CDK6: variants seen among roughly 807,000 people sequenced by gnomAD.
CDK6 encodes cyclin dependent kinase 6, also known as cyclin-dependent kinase 6.
CDK6 carries 6 observed loss-of-function variants against 37.1 expected under a neutral mutation model. That is an observed-to-expected ratio of 0.16 (90% CI 0.09 to 0.32). The LOEUF is 0.32. Ranked by LOEUF, CDK6 falls within the 10% of genes least tolerant of loss-of-function variation. The pLI, the probability that CDK6 is intolerant of heterozygous loss-of-function variation, is 1.00. For missense variants in CDK6, 224 were observed against 418.9 expected (o/e 0.53, Z 4.06); for synonymous variants, 160 against 161.3 (o/e 0.99, Z 0.06).
At chr7:92,705,734 T>C (rs938618995) in intron 4 of CDK6, among the ~76,000 whole-genome samples, 17 of 152,346 alleles carry the variant, frequency 1.1e-4, no homozygotes, top group Admixed American at 5.2e-4. Flanking sequence ...GTACTGTGGC[T>C]TAACTGAATC....
At chr7:92,711,915 CAAAA>C (rs1222057838) in intron 4 of CDK6, among the ~76,000 whole-genome samples, 1 of 150,186 alleles carries the variant, frequency 6.7e-6, no homozygotes, top group African/African-American at 2.4e-5. Flanking sequence ...AGAATGCAGA[CAAAA>C]AAACTGAAGA....
At chr7:92,811,860 A>G (rs1003431355) in intron 2 of CDK6, among the ~76,000 whole-genome samples, 11 of 152,186 alleles carry the variant, frequency 7.2e-5, no homozygotes, top group African/African-American at 2.7e-4. Flanking sequence ...CAAGTATCAA[A>G]CACTTAAAAG....
intron 4 of CDK6, chr7:92,725,376 T>C (rs1798487093): frequency 3.2e-6 from 3 of 948,580 alleles, no homozygotes; most frequent in Non-Finnish European, 3.8e-6. Context: ...AACTGATTCC[T>C]GTCCAGTGGC....
At chr7:92,729,207 TCA>T (rs1030409541) in intron 3 of CDK6, among the ~76,000 whole-genome samples, 1 of 152,190 alleles carries the variant, frequency 6.6e-6, no homozygotes, top group African/African-American at 2.4e-5. Flanking sequence ...CTGTTCTATC[TCA>T]GTTTATAGTA....
In CDK6 at chr7:92,619,306, T is replaced by C. The variant is rs187786526; in HGVS notation, c.699-1099A>G. On this transcript the variant is annotated intron_variant, in intron 6 of 7. Coordinates refer to ENST00000424848, the MANE Select transcript of CDK6 (RefSeq NM_001145306.2). Reference sequence around the variant, plus strand: ...TGGGTCAATGGACTTACATAACTTATACATTGTATAGATATTATTTATAGT... The same window carrying C: ...TGGGTCAATGGACTTACATAACTTACACATTGTATAGATATTATTTATAGT... Among the ~76,000 whole-genome samples, 24 of 152,298 alleles carry C rather than the reference T, an allele frequency of 1.6e-4. No homozygotes were observed. The East Asian group carries it at 3.9e-3, about 24-fold the overall frequency.
chr7:92,739,092 C>G (rs1798858038), intron 3 of CDK6, among the ~76,000 whole-genome samples: 1 of 152,202 alleles, frequency 6.6e-6, no homozygotes, highest in South Asian at 2.1e-4. Context: ...ACTGCCTTCT[C>G]TGGGTCTCTA....
intron 2 of CDK6, among the ~76,000 whole-genome samples, chr7:92,786,312 G>A (rs1800130987): frequency 6.6e-6 from 1 of 152,158 alleles, no homozygotes; most frequent in South Asian, 2.1e-4. Flanking sequence ...TAATAGGTGA[G>A]TAAATTCATC....
intron 2 of CDK6, among the ~76,000 whole-genome samples, chr7:92,831,938 T>C (rs1327534689): frequency 1.3e-5 from 2 of 152,238 alleles, no homozygotes; most frequent in Non-Finnish European, 1.5e-5. Context: ...GTTAAATTGT[T>C]TGACTTTTTA....
intron 3 of CDK6, among the ~76,000 whole-genome samples, chr7:92,765,460 C>T (rs140258610): frequency 9.9e-5 from 15 of 152,134 alleles, no homozygotes; most frequent in African/African-American, 3.4e-4. Flanking sequence ...CGGCCCACCA[C>T]AGAGAACTGA....
At chr7:92,770,051 T>C (rs772825727) in intron 3 of CDK6, among the ~76,000 whole-genome samples, 1 of 152,144 alleles carries the variant, frequency 6.6e-6, no homozygotes, top group African/African-American at 2.4e-5. Flanking sequence ...AATAAAAATT[T>C]AATAAAGATG....
rs886325710 is a variant in CDK6 at position 92,829,251 on chromosome 7, T to C, written c.233+3840A>G. Among the ~76,000 whole-genome samples, 5 of 152,216 alleles carry C rather than the reference T, an allele frequency of 3.3e-5. No individual in the cohort carries two copies. The East Asian group carries it at 9.6e-4, about 29-fold the overall frequency. On this transcript the variant is annotated intron_variant, in intron 2 of 7. Coordinates refer to ENST00000424848, the MANE Select transcript of CDK6 (RefSeq NM_001145306.2). Reference sequence around the variant, plus strand: ...TCATTAAGCTTTACAGCCTTTTCTTTGGGTTTTTTGTTTTGTTTTTAAAGC... The same window carrying C: ...TCATTAAGCTTTACAGCCTTTTCTTCGGGTTTTTTGTTTTGTTTTTAAAGC...
At chr7:92,797,547 C>G (rs532385699) in intron 2 of CDK6, among the ~76,000 whole-genome samples, 1 of 152,254 alleles carries the variant, frequency 6.6e-6, no homozygotes, top group African/African-American at 2.4e-5. Flanking sequence ...AATTGGCTCC[C>G]TATGTTTGGG....
At chr7:92,760,254 T>C (rs1443048407) in intron 3 of CDK6, among the ~76,000 whole-genome samples, 5 of 152,184 alleles carry the variant, frequency 3.3e-5, no homozygotes, top group African/African-American at 1.2e-4. Flanking sequence ...CTAAAGGAGA[T>C]AACAATGGTG....
intron 2 of CDK6, among the ~76,000 whole-genome samples, chr7:92,795,660 A>G (rs1223694722): frequency 6.6e-6 from 1 of 152,160 alleles, no homozygotes; most frequent in Non-Finnish European, 1.5e-5. Context: ...ACTGTGCCAC[A>G]GCACACATTC....
At chr7:92,715,197 G>A (rs569813316) in intron 4 of CDK6, among the ~76,000 whole-genome samples, 3 of 152,254 alleles carry the variant, frequency 2.0e-5, no homozygotes, top group Non-Finnish European at 4.4e-5. Context: ...AGAAAGGGAA[G>A]GACAGTGCTA....
intron 3 of CDK6, among the ~76,000 whole-genome samples, chr7:92,728,288 CT>C (rs546300237): frequency 6.6e-6 from 1 of 152,054 alleles, no homozygotes; most frequent in Non-Finnish European, 1.5e-5. Flanking sequence ...GTTAATATAA[CT>C]TTTTTTGTGT....
At chr7:92,722,392 A>G (rs577895830) in intron 4 of CDK6, among the ~76,000 whole-genome samples, 70 of 152,332 alleles carry the variant, frequency 4.6e-4, no homozygotes, top group Non-Finnish European at 9.6e-4. Context: ...TTCAATTCAT[A>G]TATGTAATTT....
intron 1 of CDK6, among the ~76,000 whole-genome samples, chr7:92,836,241 CT>C (rs926088942): frequency 2.6e-5 from 4 of 151,596 alleles, no homozygotes; most frequent in African/African-American, 7.3e-5. Context: ...GGATCTCCCC[CT>C]CTCATCAGAT....
At chr7:92,782,014 G>A (rs1800005090) in intron 2 of CDK6, among the ~76,000 whole-genome samples, 2 of 152,182 alleles carry the variant, frequency 1.3e-5, no homozygotes, top group African/African-American at 4.8e-5. Flanking sequence ...AGCTCCAGGA[G>A]TATTTGCCAC....
Sources: allele counts gnomAD v4.1 joint callset (sites outside exome capture counted in the v4.1 genomes callset), GRCh38; gene constraint gnomAD v4.1.1; transcripts MANE v1.5; gene names NCBI Gene and HGNC (gene_info 2026-07-23, HGNC 2026-07-21).